The following RBFOX3 variants were observed in gnomAD, a reference collection of about 807,000 sequenced individuals.
RBFOX3 encodes the protein RNA binding fox-1 homolog 3.
Under a neutral mutation model 48.7 loss-of-function variants are expected in RBFOX3, and 17 were observed. The ratio of observed to expected loss-of-function variants is 0.35; its 90% CI spans 0.24 to 0.52. The LOEUF is 0.52. Among genes scored for constraint, RBFOX3 ranks in the 20% least tolerant of loss-of-function variants. The probability of loss-of-function intolerance (pLI) is 0.94; values close to 1 mark genes in which losing one functional copy is unlikely to be tolerated. For synonymous variants in RBFOX3, 212 were observed against 209.5 expected (o/e 1.01, Z -0.10); for missense variants, 382 against 497.5 (o/e 0.77, Z 2.21).
chr17:79,246,339 G>A (rs530654655), intron 3 of RBFOX3, among the ~76,000 whole-genome samples: 4 of 152,322 alleles, frequency 2.6e-5, no homozygotes, highest in East Asian at 1.9e-4. Flanking sequence ...TCCCGCCCCC[G>A]ACTGCTCGTG....
At chr17:79,181,388 C>A (rs1345581867) in intron 4 of RBFOX3, among the ~76,000 whole-genome samples, 1 of 152,208 alleles carries the variant, frequency 6.6e-6, no homozygotes, top group African/African-American at 2.4e-5. Context: ...GTCCTATGCT[C>A]ATGGAAAACC....
intron 14 of RBFOX3, chr17:79,092,159 G>A: frequency 2.0e-6 from 2 of 985,468 alleles, no homozygotes; most frequent in South Asian, 4.7e-5. Flanking sequence ...CTTTGGGGGA[G>A]GCCCTGCCAG....
intron 5 of RBFOX3, among the ~76,000 whole-genome samples, chr17:79,110,777 C>A (rs1022786225): frequency 6.6e-6 from 1 of 152,222 alleles, no homozygotes; most frequent in Non-Finnish European, 1.5e-5. Flanking sequence ...GGATTTCAAG[C>A]CCCTCCTGAT....
At chr17:79,440,688 A>T (rs1425607062) in intron 2 of RBFOX3, among the ~76,000 whole-genome samples, 1 of 152,160 alleles carries the variant, frequency 6.6e-6, no homozygotes, top group East Asian at 1.9e-4. Flanking sequence ...CTCACCCGCA[A>T]GGTTGACCTT....
the RBFOX3 span, among the ~76,000 whole-genome samples, chr17:79,663,827 A>G: frequency 6.6e-6 from 1 of 152,222 alleles, no homozygotes; most frequent in Non-Finnish European, 1.5e-5. Context: ...ACATTGGCCA[A>G]TCAATCCCCC....
chr17:79,209,113 C>T (rs2057993100), intron 4 of RBFOX3, among the ~76,000 whole-genome samples: 1 of 152,238 alleles, frequency 6.6e-6, no homozygotes, highest in Non-Finnish European at 1.5e-5. Context: ...GCCACCACGC[C>T]CGGCCCCTGG....
At chr17:79,622,618 C>T in the RBFOX3 span, among the ~76,000 whole-genome samples, 2 of 152,172 alleles carry the variant, frequency 1.3e-5, no homozygotes, top group African/African-American at 4.8e-5. Flanking sequence ...AGCTGGCCGT[C>T]CCCTCCCTGT....
chr17:79,186,517 A>G (rs2053437523), intron 4 of RBFOX3, among the ~76,000 whole-genome samples: 1 of 152,112 alleles, frequency 6.6e-6, no homozygotes, highest in South Asian at 2.1e-4. Flanking sequence ...GGCCCCATGC[A>G]GCCCTCCCGA....
intron 1 of RBFOX3, chr17:79,603,981 G>C (rs977753089): frequency 6.6e-6 from 1 of 152,336 alleles, no homozygotes; most frequent in Non-Finnish European, 1.5e-5. Context: ...GGTGCAGGCC[G>C]AATCCACTCA....
rs1568207935 is a variant in RBFOX3 at position 79,138,954 on chromosome 17, C to CCCCTCA, written c.-33-23207_-33-23206insTGAGGG. Among the ~76,000 whole-genome samples the CCCCTCA allele has an allele frequency of 2.2e-3, 280 of 126,108 alleles. 2 individuals carry two copies. Among genetic ancestry groups the CCCCTCA allele is most frequent in the African/African-American group, 9.2e-3 (271 of 29,440 alleles). The allele number at this position is 126,108 out of a possible 152,430, so 82.7% of individuals were successfully genotyped here. On this transcript the variant is annotated intron_variant, in intron 4 of 14. Transcript: ENST00000693108. ...ACATGCATTCACACCCCCCTCAGCC[C>CCCCTCA]CACACATGCACACAGCACATGCGTT...
chr17:79,541,882 G>T (rs1289958826), intron 1 of RBFOX3, among the ~76,000 whole-genome samples: 1 of 152,124 alleles, frequency 6.6e-6, no homozygotes, highest in Non-Finnish European at 1.5e-5. Flanking sequence ...TTCGAGGGCA[G>T]AGTGACACCT....
the RBFOX3 span, among the ~76,000 whole-genome samples, chr17:79,662,132 C>CTTTTTTT: frequency 3.1e-5 from 3 of 96,856 alleles, no homozygotes; most frequent in Admixed American, 1.5e-4. Context: ...CCTGTTTATT[C>CTTTTTTT]TTTTTTTTTT....
chr17:79,514,332 C>T (rs2084942965), intron 1 of RBFOX3, among the ~76,000 whole-genome samples: 1 of 152,322 alleles, frequency 6.6e-6, no homozygotes, highest in Middle Eastern at 3.4e-3. Context: ...GGTACACACT[C>T]GGCGGTCACG....
rs576942601 is a variant in RBFOX3, at chr17:79,243,405, C to T, written c.-73-7600G>A. Among the ~76,000 whole-genome samples the T allele has an allele frequency of 6.6e-6, 1 of 152,262 alleles. No homozygotes were observed. The highest frequency in any genetic ancestry group is 2.1e-4 in the South Asian group (1 of 4,828). On this transcript the variant is annotated intron_variant, in intron 3 of 14. Coordinates refer to ENST00000693108, the MANE Select transcript of RBFOX3 (RefSeq NM_001350451.2). This position sits in a 1 kb window ranked among gnomAD's most constrained non-coding sequence, Gnocchi z 7.9. ...CCCAGCACTTGTGCAGCCTCAACGC[C>T]CAACATCAGCCCAAACCTTCTGTGA...
At chr17:79,398,367 C>G (rs1326961212) in intron 2 of RBFOX3, among the ~76,000 whole-genome samples, 1 of 152,158 alleles carries the variant, frequency 6.6e-6, no homozygotes, top group African/African-American at 2.4e-5. Flanking sequence ...GTCCCGTCAC[C>G]CCAGAATGTG....
intron 4 of RBFOX3, among the ~76,000 whole-genome samples, chr17:79,119,596 C>G (rs2035135477): frequency 1.3e-5 from 2 of 152,172 alleles, no homozygotes; most frequent in Non-Finnish European, 2.9e-5. Flanking sequence ...CCAATGTCCC[C>G]TCTTAGCCAC....
intron 2 of RBFOX3, among the ~76,000 whole-genome samples, chr17:79,340,695 A>G (rs1430992189): frequency 6.6e-6 from 1 of 152,204 alleles, no homozygotes; most frequent in Non-Finnish European, 1.5e-5. Flanking sequence ...GCAGTTTTTC[A>G]TGACAGCCTG....
In RBFOX3 at chr17:79,423,287, G is replaced by A. The variant is rs782102276; in HGVS notation, c.-175+59167C>T. Among the ~76,000 whole-genome samples the A allele has an allele frequency of 9.2e-5, 14 of 152,250 alleles. No homozygotes were observed. The highest frequency in any genetic ancestry group is 1.3e-4 in the Admixed American group (2 of 15,304). ...TGGCATTGTCCTGGATTCCTTGACC[G>A]TCCTCGCCACGCCCCCATCGACCAG... On this transcript the variant is annotated intron_variant, in intron 2 of 14. Transcript: ENST00000693108. This position sits in a 1 kb window ranked among gnomAD's most constrained non-coding sequence, Gnocchi z 4.9.
intron 4 of RBFOX3, among the ~76,000 whole-genome samples, chr17:79,118,137 T>C (rs569157232): frequency 6.6e-6 from 1 of 151,934 alleles, no homozygotes; most frequent in East Asian, 1.9e-4. Context: ...GCGGGGGCCG[T>C]CTCGGTGCTC....
Sources: allele counts gnomAD v4.1 joint callset (sites outside exome capture counted in the v4.1 genomes callset), GRCh38; gene constraint gnomAD v4.1.1; non-coding constraint Gnocchi (gnomAD v3.1); transcripts MANE v1.5; gene names NCBI Gene and HGNC (gene_info 2026-07-23, HGNC 2026-07-21).